Variants in PCDH9 observed in about 807,000 individuals in gnomAD.
The protein encoded by PCDH9 is protocadherin 9.
Under a neutral mutation model 70.6 loss-of-function variants are expected in PCDH9, and 24 were observed. The observed-to-expected ratio is 0.34, with a 90% CI of 0.25 to 0.48. PCDH9 has a LOEUF of 0.48. Ranked by LOEUF, PCDH9 falls within the 20% of genes least tolerant of loss-of-function variation. PCDH9 has a pLI of 0.99. For missense variants in PCDH9, 1,281 were observed against 1,503.6 expected (o/e 0.85, Z 2.45); for synonymous variants, 562 against 558.5 (o/e 1.01, Z -0.09).
intron 3 of PCDH9, among the ~76,000 whole-genome samples, chr13:66,753,949 A>ATAATCAT (rs2079500052): frequency 1.3e-5 from 2 of 152,218 alleles, no homozygotes; most frequent in African/African-American, 4.8e-5. Context: ...TGTTAGTTAG[A>ATAATCAT]AATGCATTGA....
At chr13:66,515,459 CA>C (rs1157897975) in intron 4 of PCDH9, among the ~76,000 whole-genome samples, 1 of 151,724 alleles carries the variant, frequency 6.6e-6, no homozygotes, top group East Asian at 1.9e-4. Context: ...AACATGGTAT[CA>C]TATAGGTAAA....
chr13:66,922,284 G>A (rs2082649057), intron 2 of PCDH9, among the ~76,000 whole-genome samples: 3 of 151,194 alleles, frequency 2.0e-5, no homozygotes, highest in Non-Finnish European at 4.4e-5. Flanking sequence ...ATATCTAGCT[G>A]TAAATGTCAT....
intron 4 of PCDH9, among the ~76,000 whole-genome samples, chr13:66,407,406 T>A (rs1047700750): frequency 6.6e-6 from 1 of 152,182 alleles, no homozygotes; most frequent in Admixed American, 6.5e-5. Flanking sequence ...TTATTCTAAA[T>A]TTATTCTATA....
intron 2 of PCDH9, among the ~76,000 whole-genome samples, chr13:67,181,485 A>T (rs2138483608): frequency 6.6e-6 from 1 of 152,296 alleles, no homozygotes; most frequent in South Asian, 2.1e-4. Context: ...TGAAATGAAT[A>T]TCAAGACAAC....
chr13:66,728,292 T>C (rs2079031132), intron 3 of PCDH9, among the ~76,000 whole-genome samples: 1 of 152,190 alleles, frequency 6.6e-6, no homozygotes, highest in Non-Finnish European at 1.5e-5. Flanking sequence ...CTTTGTACAC[T>C]GGAGTTTCCA....
intron 2 of PCDH9, among the ~76,000 whole-genome samples, chr13:67,013,092 C>A (rs1275036902): frequency 1.3e-5 from 2 of 151,756 alleles, no homozygotes. Flanking sequence ...AATAACATTT[C>A]TATGATTAGA....
intron 3 of PCDH9, among the ~76,000 whole-genome samples, chr13:66,748,283 G>C (rs991836401): frequency 1.3e-5 from 2 of 152,176 alleles, no homozygotes; most frequent in African/African-American, 4.8e-5. Context: ...TGTTATTGTT[G>C]AGATAACTTT....
chr13:67,024,716 T>C (rs971312427), intron 2 of PCDH9, among the ~76,000 whole-genome samples: 4 of 152,120 alleles, frequency 2.6e-5, no homozygotes, highest in African/African-American at 7.2e-5. Context: ...TATGGTGTTA[T>C]TGATTACCTA....
intron 3 of PCDH9, among the ~76,000 whole-genome samples, chr13:66,704,475 T>C (rs1028257028): frequency 6.6e-6 from 1 of 152,162 alleles, no homozygotes; most frequent in Non-Finnish European, 1.5e-5. Context: ...GCAAATTTAG[T>C]TGGATTTATT....
chr13:66,720,478 C>T (rs1457160911), intron 3 of PCDH9, among the ~76,000 whole-genome samples: 1 of 151,620 alleles, frequency 6.6e-6, no homozygotes, highest in East Asian at 1.9e-4. Flanking sequence ...TCCTAGATTT[C>T]ATTTAAAGGC....
At chr13:66,860,197 A>T (rs973899624) in intron 3 of PCDH9, among the ~76,000 whole-genome samples, 3 of 152,200 alleles carry the variant, frequency 2.0e-5, no homozygotes, top group African/African-American at 7.2e-5. Flanking sequence ...TTGGCTAGGG[A>T]TAAAAAGGAG....
In PCDH9 at chr13:66,565,692, A is replaced by G. The variant is rs151156689; in HGVS notation, c.3340+65518T>C. On this transcript the variant is annotated intron_variant, in intron 4 of 4. Coordinates refer to ENST00000377865, the MANE Select transcript of PCDH9 (RefSeq NM_203487.3). ...AATGTCATTTTCTGAAAGAACACAC[A>G]TGTCTGGATAAAACCTTATGGCCAG... Among the ~76,000 whole-genome samples, 124 of 152,354 alleles carry G rather than the reference A, an allele frequency of 8.1e-4. 3 individuals carry two copies. The East Asian group carries it at 0.024, about 29-fold the overall frequency.
intron 3 of PCDH9, among the ~76,000 whole-genome samples, chr13:66,715,810 C>A (rs994541742): frequency 2.0e-5 from 3 of 152,184 alleles, no homozygotes; most frequent in Admixed American, 1.3e-4. Flanking sequence ...TTAGTGTCTG[C>A]GTTTCAGAGG....
chr13:66,953,811 A>G (rs1230293738), intron 2 of PCDH9, among the ~76,000 whole-genome samples: 1 of 152,168 alleles, frequency 6.6e-6, no homozygotes, highest in African/African-American at 2.4e-5. Context: ...TCAGAATTCT[A>G]CTGGGTGAGC....
intron 4 of PCDH9, among the ~76,000 whole-genome samples, chr13:66,472,221 A>AG (rs1388328381): frequency 6.6e-6 from 1 of 151,130 alleles, no homozygotes; most frequent in Non-Finnish European, 1.5e-5. Context: ...CAAAAAAAAA[A>AG]AAAAAAGAAA....
intron 4 of PCDH9, among the ~76,000 whole-genome samples, chr13:66,570,460 A>G (rs2076718756): frequency 6.6e-6 from 1 of 152,196 alleles, no homozygotes; most frequent in African/African-American, 2.4e-5. Context: ...TGAATAAGAT[A>G]GGGAGATTTA....
At chr13:66,901,521 G>A (rs1257776192) in intron 3 of PCDH9, among the ~76,000 whole-genome samples, 2 of 151,524 alleles carry the variant, frequency 1.3e-5, no homozygotes, top group Admixed American at 6.6e-5. Flanking sequence ...GAGAATTTAC[G>A]GAATGAAAGA....
At chr13:66,835,269 C>A (rs908250256) in intron 3 of PCDH9, among the ~76,000 whole-genome samples, 1 of 152,170 alleles carries the variant, frequency 6.6e-6, no homozygotes, top group African/African-American at 2.4e-5. Context: ...CCCGCACACC[C>A]GGCTGGAGCT....
At chr13:67,089,414 C>G (rs1467246738) in intron 2 of PCDH9, among the ~76,000 whole-genome samples, 1 of 151,914 alleles carries the variant, frequency 6.6e-6, no homozygotes. Context: ...AAGACTCCAG[C>G]GAATGGATCC....
Sources: allele counts gnomAD v4.1 joint callset (sites outside exome capture counted in the v4.1 genomes callset), GRCh38; gene constraint gnomAD v4.1.1; transcripts MANE v1.5; gene names NCBI Gene and HGNC (gene_info 2026-07-23, HGNC 2026-07-21).